Variants in ERG observed in about 807,000 individuals in gnomAD.
ERG encodes the protein ETS transcription factor ERG, also known as transcriptional regulator ERG.
A neutral mutation model predicts 55.3 loss-of-function variants in ERG; 9 were observed. That is an observed-to-expected ratio of 0.16 (90% CI 0.10 to 0.28). The LOEUF (loss-of-function observed/expected upper bound fraction) is 0.28, where lower values mean the gene tolerates loss of function less well. ERG is among the 10% of genes least tolerant of loss of function. The pLI, the probability that ERG is intolerant of heterozygous loss-of-function variation, is 1.00. For synonymous variants in ERG, 223 were observed against 237.3 expected, an observed-to-expected ratio of 0.94 and a Z score of 0.55; for missense variants, 434 against 631.6, an observed-to-expected ratio of 0.69 and a Z score of 3.35.
At chr21:38,395,240 T>A (rs1266300316) in intron 6 of ERG, 1 of 228,322 alleles carries the variant, frequency 4.4e-6, no homozygotes, top group Non-Finnish European at 8.7e-6. Context: ...CTGTGGGATA[T>A]GACATTGGGA....
chr21:38,470,250 G>T (rs1476731438), intron 1 of ERG, among the ~76,000 whole-genome samples: 1 of 108,102 alleles, frequency 9.3e-6, no homozygotes, highest in Non-Finnish European at 1.9e-5. Context: ...CACTCTATGA[G>T]TGTTTTCTAT....
At chr21:38,420,642 C>T (rs1206431333) in intron 3 of ERG, among the ~76,000 whole-genome samples, 3 of 152,166 alleles carry the variant, frequency 2.0e-5, no homozygotes, top group Admixed American at 2.0e-4. Context: ...ATTCTCTGTT[C>T]TCTTCCCCAC....
rs1314277370 is a variant in ERG at position 38,429,418 on chromosome 21, T to C, written c.237-5857A>G. Among the ~76,000 whole-genome samples, 2 of 113,932 alleles carry C rather than the reference T, an allele frequency of 1.8e-5. 1 individual carries two copies. Among genetic ancestry groups the C allele is most frequent in the African/African-American group, 5.9e-5 (2 of 33,878 alleles). The allele number at this position is 113,932 out of a possible 152,430, so 74.7% of individuals were successfully genotyped here. ...ATATACACATGTACATACGCACATA[T>C]AAACATGTGTGTATACATGTATACA... On this transcript the variant is annotated intron_variant, in intron 2 of 9. Coordinates refer to ENST00000288319, the MANE Select transcript of ERG (RefSeq NM_182918.4).
chr21:38,460,570 A>G lies in ERG; in HGVS notation c.19-14949T>C, dbSNP rs1455817399. ...AACGGGAACTTCCATTCATCATCAC[A>G]TGCAGAAACTCTGGGAACTGAGAAT... On this transcript the variant is annotated intron_variant, in intron 1 of 9. Transcript: ENST00000288319. The surrounding 1 kb of genome is among the most constrained non-coding windows in gnomAD (Gnocchi z 5.0). 6.6e-6 allele frequency among the ~76,000 whole-genome samples: 1 copy of G among 152,186 alleles called. No homozygotes were observed. Among genetic ancestry groups the G allele is most frequent in the African/African-American group, 2.4e-5 (1 of 41,432 alleles).
intron 1 of ERG, chr21:38,471,498 C>G (rs2059138899): frequency 6.6e-6 from 1 of 152,226 alleles, no homozygotes; most frequent in Non-Finnish European, 1.5e-5. Context: ...CTCATTCACT[C>G]TGGGACATAT....
chr21:38,532,833 C>T (rs2059682545), intron 2 of ERG, among the ~76,000 whole-genome samples: 2 of 152,172 alleles, frequency 1.3e-5, no homozygotes, highest in South Asian at 2.1e-4. Flanking sequence ...GTGAAGTGGA[C>T]TCAAAAGAAA....
chr21:38,389,192 A>G (rs1987853280), intron 9 of ERG, among the ~76,000 whole-genome samples: 1 of 152,204 alleles, frequency 6.6e-6, no homozygotes, highest in African/African-American at 2.4e-5. Context: ...GTAGGGCAAG[A>G]AAACAAAAGT....
chr21:38,495,131 A>G (rs1453653835), intron 1 of ERG, among the ~76,000 whole-genome samples: 1 of 152,252 alleles, frequency 6.6e-6, no homozygotes, highest in African/African-American at 2.4e-5. Context: ...TATTAAACTC[A>G]TTAATCACAT....
chr21:38,440,619 G>T (rs1033828830), intron 2 of ERG, among the ~76,000 whole-genome samples: 1 of 151,912 alleles, frequency 6.6e-6, no homozygotes, highest in African/African-American at 2.4e-5. Context: ...TAAGGAGTTC[G>T]AGACCAGCCT....
chr21:38,613,851 GC>G (rs2060243215), intron 1 of ERG, among the ~76,000 whole-genome samples: 1 of 152,018 alleles, frequency 6.6e-6, no homozygotes, highest in South Asian at 2.1e-4. Flanking sequence ...CACAGGCTGG[GC>G]CCCCCCTCTT....
intron 6 of ERG, 91 bp downstream of exon 6, chr21:38,400,483 T>A: frequency 2.0e-6 from 2 of 1,008,384 alleles, no homozygotes; most frequent in Non-Finnish European, 1.6e-6. Flanking sequence ...CGGGATCAGC[T>A]CTCTTTGTAT....
chr21:38,409,215 G>T (rs1335919954), intron 3 of ERG, among the ~76,000 whole-genome samples: 1 of 152,078 alleles, frequency 6.6e-6, no homozygotes, highest in Non-Finnish European at 1.5e-5. Flanking sequence ...TGGGCGTGGT[G>T]GCTCATACCT....
intron 2 of ERG, among the ~76,000 whole-genome samples, chr21:38,524,580 A>G (rs1022105375): frequency 1.3e-5 from 2 of 152,228 alleles, no homozygotes; most frequent in African/African-American, 4.8e-5. Flanking sequence ...TTCAATTTAG[A>G]GTATTTTTGG....
At chr21:38,644,456 A>G (rs1361693394) in intron 1 of ERG, among the ~76,000 whole-genome samples, 1 of 152,202 alleles carries the variant, frequency 6.6e-6, no homozygotes, top group African/African-American at 2.4e-5. Context: ...TTAGCAAACA[A>G]GAGCCTTCCC....
chr21:38,622,366 C>T (rs2060295998), intron 1 of ERG, among the ~76,000 whole-genome samples: 1 of 151,978 alleles, frequency 6.6e-6, no homozygotes, highest in South Asian at 2.1e-4. Flanking sequence ...GTAGGTAACA[C>T]ACACACTCAC....
At chr21:38,493,937 A>G (rs901459134) in intron 1 of ERG, among the ~76,000 whole-genome samples, 1 of 152,212 alleles carries the variant, frequency 6.6e-6, no homozygotes, top group African/African-American at 2.4e-5. Context: ...GAGACGAGTG[A>G]GTGCAGAGCC....
chr21:38,377,235 G>T (rs1716851953), downstream of ERG, among the ~76,000 whole-genome samples: 1 of 152,230 alleles, frequency 6.6e-6, no homozygotes, highest in Non-Finnish European at 1.5e-5. Context: ...ATTATCAAAA[G>T]TAGTAGCAAT....
At chr21:38,506,763 TTGTC>T (rs1270046973) in intron 2 of ERG, among the ~76,000 whole-genome samples, 1 of 152,122 alleles carries the variant, frequency 6.6e-6, no homozygotes, top group Admixed American at 6.6e-5. Flanking sequence ...TGACAGTTGT[TTGTC>T]TGTGTTCACG....
chr21:38,458,139 A>G (rs1425996601), intron 1 of ERG, among the ~76,000 whole-genome samples: 1 of 152,188 alleles, frequency 6.6e-6, no homozygotes, highest in East Asian at 1.9e-4. Flanking sequence ...GTAAAAGAGC[A>G]CACTGGCCAG....
Sources: allele counts gnomAD v4.1 joint callset (sites outside exome capture counted in the v4.1 genomes callset), GRCh38; gene constraint gnomAD v4.1.1; non-coding constraint Gnocchi (gnomAD v3.1); transcripts MANE v1.5; gene names NCBI Gene and HGNC (gene_info 2026-07-23, HGNC 2026-07-21).